PRMT8: variants seen among roughly 807,000 people sequenced by gnomAD.
The protein encoded by PRMT8 is protein arginine methyltransferase 8, also known as protein arginine N-methyltransferase 8.
PRMT8 carries 7 observed loss-of-function variants against 47.1 expected under a neutral mutation model. The ratio of observed to expected loss-of-function variants is 0.15; its 90% CI spans 0.08 to 0.28. PRMT8 has a LOEUF of 0.28. Among genes scored for constraint, PRMT8 ranks in the 10% least tolerant of loss-of-function variants. The pLI is 1.00. For missense variants in PRMT8, 237 were observed against 505.4 expected, an observed-to-expected ratio of 0.47 and a Z score of 5.09; for synonymous variants, 188 against 186.5, an observed-to-expected ratio of 1.01 and a Z score of -0.07.
chr12:3,434,519 A>G (rs1864716782), intron 1 of PRMT8, among the ~76,000 whole-genome samples: 1 of 152,172 alleles, frequency 6.6e-6, no homozygotes, highest in Non-Finnish European at 1.5e-5. Context: ...ATTTAAACAC[A>G]CACCATAAAA....
rs185594585 is a variant in PRMT8, at chr12:3,427,428, T to C, written c.48+45986T>C. Reference sequence around the variant, plus strand: ...TACCCCTTTAACTTTAGTCAATATGTTTACACACAGAATTTTCTTTATAAT... The same window carrying C: ...TACCCCTTTAACTTTAGTCAATATGCTTACACACAGAATTTTCTTTATAAT... On this transcript the variant is annotated intron_variant, in intron 1 of 9. Coordinates refer to the PRMT8 transcript ENST00000452611. Among the ~76,000 whole-genome samples, 330 of 152,300 alleles carry C rather than the reference T, an allele frequency of 2.2e-3. 1 individual carries two copies. The highest frequency in any genetic ancestry group is 7.1e-3 in the African/African-American group (296 of 41,582).
chr12:3,498,259 C>A (rs1435290970), intron 1 of PRMT8, among the ~76,000 whole-genome samples: 1 of 152,216 alleles, frequency 6.6e-6, no homozygotes, highest in African/African-American at 2.4e-5. Flanking sequence ...GAGGCTAGAG[C>A]TCAAAGTCTG....
chr12:3,453,321 C>T lies in PRMT8; in HGVS notation c.48+71879C>T, dbSNP rs534508141. ...CAGCACCCTTAGGACTCCTGGGCCT[C>T]GGGCCCCAGTGTTGAGTCTGGCAGC... On this transcript the variant is annotated intron_variant, in intron 1 of 9. Coordinates refer to the PRMT8 transcript ENST00000452611. The surrounding 1 kb of genome is among the most constrained non-coding windows in gnomAD (Gnocchi z 4.9). Among the ~76,000 whole-genome samples the T allele has an allele frequency of 8.5e-4, 130 of 152,254 alleles. No homozygotes were observed. Among genetic ancestry groups the T allele is most frequent in the Admixed American group, 2.4e-3 (37 of 15,300 alleles).
intron 3 of PRMT8, 80 bp from the exon 4 acceptor site, chr12:3,553,571 C>T (rs1866466548): frequency 7.4e-6 from 9 of 1,211,392 alleles, no homozygotes; most frequent in African/African-American, 1.5e-5. Flanking sequence ...TGGGCCTCAG[C>T]GTCTCTATCC....
At chr12:3,491,891 G>GT (rs1865415470) in intron 1 of PRMT8, among the ~76,000 whole-genome samples, 191 bp downstream of exon 1, 12 of 94,600 alleles carry the variant, frequency 1.3e-4, no homozygotes, top group African/African-American at 1.5e-4. Flanking sequence ...TGTGTGTGTT[G>GT]GTGGGGGGTG....
In PRMT8 at chr12:3,580,142, A is replaced by C. The variant is rs1460127519; in HGVS notation, c.829-2916A>C. Among the ~76,000 whole-genome samples, 1 of 152,136 alleles carries C rather than the reference A, an allele frequency of 6.6e-6. No individual in the cohort carries two copies. The highest frequency in any genetic ancestry group is 1.5e-5 in the Non-Finnish European group (1 of 68,036). On this transcript the variant is annotated intron_variant, in intron 7 of 9. Coordinates refer to ENST00000382622, the MANE Select transcript of PRMT8 (RefSeq NM_019854.5). The surrounding 1 kb of genome is among the most constrained non-coding windows in gnomAD (Gnocchi z 4.6). ...AAGACCACCTGCCCTTATTGTTGCC[A>C]TTATAATGTGCGGCTTCAATACTTT...
rs190742977 is a variant in PRMT8, at chr12:3,468,879, G to A, written c.49-71727G>A. 34 of 166,680 alleles carry A rather than the reference G, an allele frequency of 2.0e-4. No individual in the cohort carries two copies. In the East Asian group the frequency reaches 5.4e-3, roughly 27 times the overall value. 10.3% of individuals were successfully genotyped at this position (166,680 alleles called of 1,614,324 possible). A position where few individuals can be genotyped will look rare whatever the true frequency, so the allele number is the denominator to read the frequency against. ...ATGCTGTTTTGCACGCACTTCTCGC[G>A]TGCCTTGTTATCCTGCTCATAGAAC... On this transcript the variant is annotated intron_variant, in intron 1 of 9. Transcript: ENST00000452611.
intron 3 of PRMT8, chr12:3,551,656 T>C (rs896358114): frequency 1.3e-5 from 2 of 152,258 alleles, no homozygotes; most frequent in Non-Finnish European, 2.9e-5. Context: ...CCCGCCCTTT[T>C]CTCTAACAGC....
Position 3,576,638 on chromosome 12 carries a change from T to A in PRMT8, c.713-233T>A, listed in dbSNP as rs1184005785. Reference sequence around the variant, plus strand: ...GTTTCCCAGCCTCTCTGAGCTCTAGTTTACCTAACAACAAAGTGGGACTTA... The same window carrying A: ...GTTTCCCAGCCTCTCTGAGCTCTAGATTACCTAACAACAAAGTGGGACTTA... On this transcript the variant is annotated intron_variant, in intron 6 of 9. Transcript: ENST00000382622. This position sits in a 1 kb window ranked among gnomAD's most constrained non-coding sequence, Gnocchi z 4.0. Among the ~76,000 whole-genome samples the A allele has an allele frequency of 1.3e-5, 2 of 152,130 alleles. No individual in the cohort carries two copies. Among genetic ancestry groups the A allele is most frequent in the African/African-American group, 2.4e-5 (1 of 41,408 alleles).
intron 1 of PRMT8, among the ~76,000 whole-genome samples, chr12:3,396,829 C>T (rs564147444): frequency 2.4e-4 from 37 of 152,078 alleles, no homozygotes; most frequent in Admixed American, 1.1e-3. Flanking sequence ...GTTCCATTCT[C>T]CCCGTCACTT....
At chr12:3,421,671 C>T (rs186771419) in intron 1 of PRMT8, among the ~76,000 whole-genome samples, 2 of 152,258 alleles carry the variant, frequency 1.3e-5, no homozygotes, top group African/African-American at 4.8e-5. Context: ...GTTGAGTCCT[C>T]ACCCTGGCTC....
At chr12:3,482,401 A>G (rs1184856010) in intron 1 of PRMT8, among the ~76,000 whole-genome samples, 4 of 152,192 alleles carry the variant, frequency 2.6e-5, no homozygotes, top group African/African-American at 9.7e-5. Flanking sequence ...TGAAGCCCAC[A>G]TTTGCTCAGG....
At chr12:3,444,905 C>T (rs1389518690) in intron 1 of PRMT8, among the ~76,000 whole-genome samples, 1 of 152,196 alleles carries the variant, frequency 6.6e-6, no homozygotes, top group East Asian at 1.9e-4. Flanking sequence ...AAGGAAAAGA[C>T]AGTGGGTAGT....
intron 1 of PRMT8, among the ~76,000 whole-genome samples, chr12:3,415,644 T>A (rs1166258389): frequency 6.6e-6 from 1 of 152,046 alleles, no homozygotes; most frequent in African/African-American, 2.4e-5. Flanking sequence ...AACTGAAAAA[T>A]TAGATCTCCC....
rs758723600 is a variant in PRMT8 at position 3,538,628 on chromosome 12, C to T, written c.76-1978C>T. The T allele has an allele frequency of 3.9e-6, 2 of 519,052 alleles. No homozygotes were observed. Among genetic ancestry groups the T allele is most frequent in the Non-Finnish European group, 7.7e-6 (2 of 259,880 alleles). 32.2% of individuals were successfully genotyped at this position (519,052 alleles called of 1,614,324 possible). A position where few individuals can be genotyped will look rare whatever the true frequency, so the allele number is the denominator to read the frequency against. On this transcript the variant is annotated intron_variant, in intron 1 of 9. Coordinates refer to ENST00000382622, the MANE Select transcript of PRMT8 (RefSeq NM_019854.5). The surrounding 1 kb of genome is among the most constrained non-coding windows in gnomAD (Gnocchi z 4.6). ...TGCACAATGCCCAGACCAGCTCCGACTTTTTCCTCTCCTTCACATATTTAA... is the reference window on the plus strand; with the variant it reads ...TGCACAATGCCCAGACCAGCTCCGATTTTTTCCTCTCCTTCACATATTTAA...
At chr12:3,496,922 T>A (rs962912432) in intron 1 of PRMT8, among the ~76,000 whole-genome samples, 30 of 151,810 alleles carry the variant, frequency 2.0e-4, no homozygotes, top group African/African-American at 6.3e-4. Context: ...CAATTTTTTT[T>A]TTTTTTTTTT....
In PRMT8 at chr12:3,508,300, C is replaced by T. The variant is rs56347191; in HGVS notation, c.75+16600C>T. ...ATGTTTCTGTGTGGGGATATGTACA[C>T]GCTTCTGAGTCAGTAGGTGCGTCAT... On this transcript the variant is annotated intron_variant, in intron 1 of 9. Coordinates refer to ENST00000382622, the MANE Select transcript of PRMT8 (RefSeq NM_019854.5). The surrounding 1 kb of genome is among the most constrained non-coding windows in gnomAD (Gnocchi z 4.9). Among the ~76,000 whole-genome samples the T allele has an allele frequency of 0.034, 5,173 of 152,164 alleles. 141 individuals carry two copies. The highest frequency in any genetic ancestry group is 0.054 in the Non-Finnish European group (3,680 of 68,002).
In PRMT8 at chr12:3,558,556, G is replaced by A. The variant is rs7968550; in HGVS notation, c.481+4842G>A. ...AAAAGGATTTCGTTCAGAATGACAC[G>A]TTGCATTTAGTTGTCATGACTGGTT... On this transcript the variant is annotated intron_variant, in intron 4 of 9. Coordinates refer to ENST00000382622, the MANE Select transcript of PRMT8 (RefSeq NM_019854.5). 3.3e-3 allele frequency among the ~76,000 whole-genome samples: 497 copies of A among 152,310 alleles called. 5 individuals carry two copies. Among genetic ancestry groups the A allele is most frequent in the Non-Finnish European group, 6.0e-3 (405 of 68,034 alleles).
Position 3,549,988 on chromosome 12 carries a change from A to G in PRMT8, c.314A>G (p.His105Arg). 1.2e-6 allele frequency: 2 copies of G among 1,614,244 alleles called. No individual in the cohort carries two copies. The highest frequency in any genetic ancestry group is 1.7e-6 in the Non-Finnish European group (2 of 1,180,044). Residue 105 changes from histidine (H) to arginine (R), a missense_variant, in exon 3 of 10, where the codon CAC becomes CGC. Around this residue, in one of 5 missense-constraint regions of PRMT8, gnomAD observed 32 missense variants for 73.7 expected, o/e 0.43. Coordinates refer to ENST00000382622, the MANE Select transcript of PRMT8 (RefSeq NM_019854.5). ...RTLTYRNSMY[H>R]NKHVFKDKVV... is the part of the protein sequence containing the mutation. ...CTCACTTACCGGAACTCCATGTACC[A>G]CAACAAGCACGTGTTCAAGGACAAA...
Sources: allele counts gnomAD v4.1 joint callset (sites outside exome capture counted in the v4.1 genomes callset), GRCh38; gene constraint gnomAD v4.1.1; regional missense constraint gnomAD v4.1.1; non-coding constraint Gnocchi (gnomAD v3.1); transcripts MANE v1.5; gene names NCBI Gene and HGNC (gene_info 2026-07-23, HGNC 2026-07-21).